The following EXOSC2 variants were observed in gnomAD, a reference collection of about 807,000 sequenced individuals.
The protein encoded by EXOSC2 is exosome component 2, also known as exosome complex component RRP4.
EXOSC2 carries 29 observed loss-of-function variants against 37.6 expected under a neutral mutation model. That is an observed-to-expected ratio of 0.77 (90% CI 0.57 to 1.05). EXOSC2 has a LOEUF of 1.05. EXOSC2 is among the 50% of genes least tolerant of loss of function. The pLI, the probability that EXOSC2 is intolerant of heterozygous loss-of-function variation, is 0.00. For synonymous variants in EXOSC2, 119 were observed against 131.1 expected (o/e 0.91, Z 0.63); for missense variants, 346 against 365.6 (o/e 0.95, Z 0.44).
chr9:130,695,233 C>G (rs1243697696), intron 1 of EXOSC2, among the ~76,000 whole-genome samples: 1 of 152,090 alleles, frequency 6.6e-6, no homozygotes, highest in Non-Finnish European at 1.5e-5. Flanking sequence ...ATGGTGGCAA[C>G]AGGGTGGGCT....
chr9:130,696,101 G>A (rs530505710), intron 2 of EXOSC2, among the ~76,000 whole-genome samples: 2 of 152,026 alleles, frequency 1.3e-5, no homozygotes, highest in Admixed American at 6.6e-5. Context: ...GACCTCTGAT[G>A]ATTTCCCCCC....
intron 2 of EXOSC2, among the ~76,000 whole-genome samples, 195 bp downstream of exon 2, chr9:130,695,788 C>T (rs1831080909): frequency 6.6e-6 from 1 of 151,760 alleles, no homozygotes; most frequent in Non-Finnish European, 1.5e-5. Context: ...TATGTCACCA[C>T]TCCAAGCCTT....
chr9:130,697,447 T>C, intron 2 of EXOSC2, 135 bp from the exon 3 acceptor site: 2 of 787,906 alleles, frequency 2.5e-6, no homozygotes, highest in Non-Finnish European at 4.4e-6. Flanking sequence ...GTCCAGACAA[T>C]ATAGTTACAT....
At chr9:130,700,768 G>A in intron 5 of EXOSC2, 99 bp from the exon 6 acceptor site, 2 of 1,015,104 alleles carry the variant, frequency 2.0e-6, no homozygotes, top group South Asian at 1.3e-5. Context: ...ATTGGAGAGG[G>A]GAGGAAAAGA....
intron 8 of EXOSC2, 43 bp downstream of exon 8, chr9:130,703,224 C>A: frequency 6.3e-7 from 1 of 1,581,528 alleles, no homozygotes. Context: ...GATCTGTGAG[C>A]TGCTCTGTTG....
In EXOSC2 at chr9:130,699,377, G is replaced by T. The variant is rs1217974691; in HGVS notation, c.409G>T (p.Glu137Ter). Residue 137 changes from glutamate (E) to a stop codon, truncating the protein, a stop_gained, in exon 5 of 9, where the codon GAA becomes TAA. Transcript: ENST00000372358. LOFTEE classifies it high-confidence loss of function. ...DELAMRGFLQ[E>*]GDLISAEVQA... ...GCTTGCAATGAGAGGTTTCTTACAG[G>T]AAGGGGACCTTATCAGTGTATCCTG... 6.2e-7 allele frequency: 1 copy of T among 1,614,210 alleles called. No individual in the cohort carries two copies. Among genetic ancestry groups the T allele is most frequent in the East Asian group, 2.2e-5 (1 of 44,882 alleles).
chr9:130,695,690 G>A, intron 2 of EXOSC2, 97 bp downstream of exon 2: 1 of 975,536 alleles, frequency 1.0e-6, no homozygotes, highest in Non-Finnish European at 1.6e-6. Context: ...ACCCCTGCCT[G>A]CCCTGTCATG....
intron 6 of EXOSC2, chr9:130,701,868 G>A: frequency 8.2e-7 from 1 of 1,222,492 alleles, no homozygotes; most frequent in Non-Finnish European, 1.0e-6. Flanking sequence ...TGGCACATGA[G>A]TTCTGGCTTA....
rs1831136127 is a variant in EXOSC2, at chr9:130,698,138, C to T, written c.271-24C>T. On this transcript the variant is annotated intron_variant, in intron 3 of 8. Transcript: ENST00000372358. The surrounding 1 kb of genome is among the most constrained non-coding windows in gnomAD (Gnocchi z 4.1). ...TGACACATGAACATGGAGCATGTGTCCAGGTGTGGAACTTGGCTTATAGGT... is the reference window on the plus strand; with the variant it reads ...TGACACATGAACATGGAGCATGTGTTCAGGTGTGGAACTTGGCTTATAGGT... 1 of 1,604,348 alleles carries T rather than the reference C, an allele frequency of 6.2e-7. No homozygotes were observed. Among genetic ancestry groups the T allele is most frequent in the Admixed American group, 1.7e-5 (1 of 59,988 alleles).
At chr9:130,702,634 G>A (rs534780276) in intron 7 of EXOSC2, among the ~76,000 whole-genome samples, 5 of 152,046 alleles carry the variant, frequency 3.3e-5, no homozygotes, top group East Asian at 3.9e-4. Flanking sequence ...TTGCTCTGTC[G>A]CCCAGGCTGG....
rs549335566 is a variant in EXOSC2 at position 130,698,431 on chromosome 9, C to T, written c.360+180C>T. Among the ~76,000 whole-genome samples the T allele has an allele frequency of 8.5e-5, 13 of 152,246 alleles. No individual in the cohort carries two copies. The highest frequency in any genetic ancestry group is 2.6e-4 in the Admixed American group (4 of 15,286). On this transcript the variant is annotated intron_variant, in intron 4 of 8. Coordinates refer to ENST00000372358, the MANE Select transcript of EXOSC2 (RefSeq NM_014285.7). This position sits in a 1 kb window ranked among gnomAD's most constrained non-coding sequence, Gnocchi z 4.1. Reference sequence around the variant, plus strand: ...GACTTTTCACCCTGTCCAGGTCTCCCGAAAGAGGGAGCAGTTGGCATATGG... The same window carrying T: ...GACTTTTCACCCTGTCCAGGTCTCCTGAAAGAGGGAGCAGTTGGCATATGG...
intron 3 of EXOSC2, 171 bp downstream of exon 3, chr9:130,697,798 G>GTTT: frequency 5.6e-5 from 29 of 520,918 alleles, no homozygotes; most frequent in African/African-American, 8.0e-5. Flanking sequence ...ACTGGTTCAT[G>GTTT]TTTTTTTTTT....
Position 130,697,566 on chromosome 9 carries a change from G to T in EXOSC2, c.225-16G>T, listed in dbSNP as rs781702486. 23 of 1,613,682 alleles carry T rather than the reference G, an allele frequency of 1.4e-5. No homozygotes were observed. The South Asian group carries it at 2.4e-4, about 17-fold the overall frequency. On this transcript the variant is annotated splice_polypyrimidine_tract_variant and intron_variant, in intron 2 of 8. Transcript: ENST00000372358. The stretch of plus-strand genomic sequence containing the variant: ...CTGCTCACAGATGGATGAACCCCTT[G>T]TGTTTTGTCTTTCAGATACATTGGT...
Position 130,694,056 on chromosome 9 carries a change from C to A in EXOSC2, c.122+143C>A. 3 of 954,988 alleles carry A rather than the reference C, an allele frequency of 3.1e-6. No individual in the cohort carries two copies. Among genetic ancestry groups the A allele is most frequent in the East Asian group, 3.0e-5 (1 of 32,892 alleles). The allele number at this position is 954,988 out of a possible 1,614,324, so 59.2% of individuals were successfully genotyped here. A position where few individuals can be genotyped will look rare whatever the true frequency, so the allele number is the denominator to read the frequency against. ...CTGAGCATCCTACACACCTCGCTTC[C>A]GAGCCTCGTGCTTCTTGCTCCCTGC... On this transcript the variant is annotated intron_variant, in intron 1 of 8. Transcript: ENST00000372358. This position sits in a 1 kb window ranked among gnomAD's most constrained non-coding sequence, Gnocchi z 4.0.
Position 130,702,217 on chromosome 9 carries a change from C to CT in EXOSC2, c.580dup (p.Ser194PhefsTer6). 6.2e-7 allele frequency: 1 copy of CT among 1,614,138 alleles called. No homozygotes were observed. Among genetic ancestry groups the CT allele is most frequent in the South Asian group, 1.1e-5 (1 of 91,056 alleles). ...ACTTTCATGATTTGCCATGTGGTGC[C>CT]TCAGTGATTCTCGGTAACAACGGCT... On this transcript the variant is annotated frameshift_variant, in exon 7 of 9. Transcript: ENST00000372358. LOFTEE classifies it high-confidence loss of function.
intron 5 of EXOSC2, among the ~76,000 whole-genome samples, chr9:130,700,329 TTTTA>T (rs367666983): frequency 0.087 from 12,271 of 140,516 alleles, 619 homozygotes; most frequent in Admixed American, 0.13. Flanking sequence ...TCTGTCTTTA[TTTTA>T]TTTATTTATT....
Position 130,703,685 on chromosome 9 carries a change from C to T in EXOSC2, c.802-9C>T. The T allele has an allele frequency of 6.2e-7, 1 of 1,611,488 alleles. No individual in the cohort carries two copies. The highest frequency in any genetic ancestry group is 8.5e-7 in the Non-Finnish European group (1 of 1,178,552). On this transcript the variant is annotated splice_polypyrimidine_tract_variant and intron_variant, in intron 8 of 8. Transcript: ENST00000372358. ...TCTTTTCTGAACAAATGCCTTTTCC[C>T]TTTTTCAGATCAAAGACATCTTAAA...
At chr9:130,702,040 AATTTGAAT>A in intron 6 of EXOSC2, 86 bp from the exon 7 acceptor site, 11 of 1,484,116 alleles carry the variant, frequency 7.4e-6, no homozygotes, top group Non-Finnish European at 9.9e-6. Flanking sequence ...GAAGGACACC[AATTTGAAT>A]ATACTTAGGA....
intron 6 of EXOSC2, 41 bp downstream of exon 6, chr9:130,700,976 T>C: frequency 1.3e-6 from 2 of 1,597,820 alleles, no homozygotes; most frequent in Non-Finnish European, 1.7e-6. Context: ...TGACTGAGAC[T>C]ACAAGGCTAT....
Sources: gnomAD v4.1 joint callset for allele counts (sites outside exome capture counted in the v4.1 genomes callset) on GRCh38, gnomAD v4.1.1 for gene constraint, Gnocchi (gnomAD v3.1) non-coding constraint, MANE v1.5 for transcripts, NCBI Gene and HGNC (gene_info 2026-07-23, HGNC 2026-07-21) for gene names.